The following KIF5C variants were observed in gnomAD, a reference collection of about 807,000 sequenced individuals.
KIF5C encodes the protein kinesin family member 5C.
In KIF5C, 18 loss-of-function variants were observed where a neutral mutation model predicts 125.2. That is an observed-to-expected ratio of 0.14 (90% CI 0.10 to 0.21). KIF5C has a LOEUF of 0.21. Among genes scored for constraint, KIF5C ranks in the 10% least tolerant of loss-of-function variants. KIF5C has a pLI of 1.00. For synonymous variants in KIF5C, 405 were observed against 434.0 expected (o/e 0.93, Z 0.83); for missense variants, 780 against 1,183.8 (o/e 0.66, Z 5.01).
chr2:148,909,803 G>A (rs556223838), intron 1 of KIF5C, among the ~76,000 whole-genome samples: 1 of 152,306 alleles, frequency 6.6e-6, no homozygotes, highest in South Asian at 2.1e-4. Context: ...AGGTGAATTG[G>A]ATATCTGTGA....
chr2:148,880,123 T>C (rs936591862), intron 1 of KIF5C, among the ~76,000 whole-genome samples: 1 of 146,032 alleles, frequency 6.8e-6, no homozygotes, highest in African/African-American at 2.5e-5. Flanking sequence ...GTAATACCAC[T>C]TTTTTTTTTT....
chr2:148,971,505 A>G (rs1001774364), intron 11 of KIF5C, among the ~76,000 whole-genome samples: 11 of 152,288 alleles, frequency 7.2e-5, no homozygotes, highest in African/African-American at 2.6e-4. Context: ...ACTGAATGAA[A>G]TATTGATTTG....
chr2:148,959,849 C>T (rs2105127794), intron 10 of KIF5C, among the ~76,000 whole-genome samples: 1 of 152,276 alleles, frequency 6.6e-6, no homozygotes, highest in African/African-American at 2.4e-5. Flanking sequence ...GGCTTCTTCC[C>T]TGCCAGATCA....
intron 1 of KIF5C, among the ~76,000 whole-genome samples, chr2:148,902,001 C>T (rs900743893): frequency 2.0e-5 from 3 of 152,322 alleles, no homozygotes; most frequent in African/African-American, 7.2e-5. Flanking sequence ...TTGGTTACTT[C>T]TTGCCCCTCC....
At chr2:148,944,974 T>C (rs113439605) in intron 7 of KIF5C, among the ~76,000 whole-genome samples, 4 of 152,202 alleles carry the variant, frequency 2.6e-5, no homozygotes, top group African/African-American at 9.6e-5. Context: ...ATTCAAGGTC[T>C]GTATTTATTT....
At position 149,023,957 on chromosome 2, in the gene KIF5C, G is replaced by C. The variant is rs1194526487; in HGVS notation, c.*887G>C. On this transcript the variant is annotated 3_prime_UTR_variant, in exon 26 of 26. Transcript: ENST00000435030. ...TGGCTGCTTTCTCTAACCATTTTCA[G>C]CTTGAGTGGGTATTGCTGAAGAAAT... 6.6e-6 allele frequency: 1 copy of C among 152,182 alleles called. No homozygotes were observed. The highest frequency in any genetic ancestry group is 2.1e-4 in the South Asian group (1 of 4,834). The allele number at this position is 152,182 out of a possible 1,614,324, so 9.4% of individuals were successfully genotyped here. A position where few individuals can be genotyped will look rare whatever the true frequency, so the allele number is the denominator to read the frequency against.
intron 1 of KIF5C, among the ~76,000 whole-genome samples, chr2:148,896,580 G>A (rs1366986564): frequency 6.6e-6 from 1 of 152,222 alleles, no homozygotes; most frequent in Non-Finnish European, 1.5e-5. Context: ...GTAAGGGATT[G>A]AGAGTGTACT....
chr2:148,919,076 C>G (rs1346375493), intron 1 of KIF5C, among the ~76,000 whole-genome samples: 1 of 152,116 alleles, frequency 6.6e-6, no homozygotes, highest in Non-Finnish European at 1.5e-5. Flanking sequence ...CTTGATGGCT[C>G]TTTTTTGGTC....
intron 1 of KIF5C, among the ~76,000 whole-genome samples, chr2:148,906,261 G>A (rs564680187): frequency 1.6e-4 from 24 of 152,292 alleles, no homozygotes; most frequent in Admixed American, 1.3e-3. Flanking sequence ...AGGGTGAGGC[G>A]CAAGTATGAG....
chr2:148,927,763 A>G (rs36136399), intron 2 of KIF5C, among the ~76,000 whole-genome samples: 35,716 of 151,946 alleles, frequency 0.24, 5,157 homozygotes, highest in East Asian at 0.39. Flanking sequence ...CATTTTTGTG[A>G]AAACTGAAGC....
chr2:148,997,041 C>G (rs1184666655), intron 17 of KIF5C, among the ~76,000 whole-genome samples: 1 of 152,230 alleles, frequency 6.6e-6, no homozygotes, highest in African/African-American at 2.4e-5. Flanking sequence ...GCATTGTCCC[C>G]TGCAGTTGTC....
intron 4 of KIF5C, among the ~76,000 whole-genome samples, chr2:148,939,217 TA>T (rs1470590595): frequency 6.6e-6 from 1 of 152,200 alleles, no homozygotes; most frequent in Non-Finnish European, 1.5e-5. Flanking sequence ...TCAATTATAT[TA>T]AACTTCTCCC....
At chr2:148,904,380 T>C (rs1489696134) in intron 1 of KIF5C, among the ~76,000 whole-genome samples, 1 of 152,226 alleles carries the variant, frequency 6.6e-6, no homozygotes, top group Non-Finnish European at 1.5e-5. Flanking sequence ...TAATGGTTCC[T>C]CGTACTGGGA....
chr2:148,973,257 G>A, intron 11 of KIF5C, 79 bp from the exon 12 acceptor site: 3 of 1,507,534 alleles, frequency 2.0e-6, no homozygotes, highest in Non-Finnish European at 2.7e-6. Flanking sequence ...CACCAGGACT[G>A]ATTATTTTTG....
chr2:148,889,215 A>AT (rs892690039), intron 1 of KIF5C, among the ~76,000 whole-genome samples: 3 of 152,318 alleles, frequency 2.0e-5, no homozygotes, highest in South Asian at 2.1e-4. Context: ...TGGTTAATTC[A>AT]TTTTTTAAAT....
At chr2:148,900,267 A>G (rs1431220869) in intron 1 of KIF5C, among the ~76,000 whole-genome samples, 4 of 152,228 alleles carry the variant, frequency 2.6e-5, no homozygotes, top group Middle Eastern at 3.4e-3. Context: ...CCTTAAACAC[A>G]TATCATTGTG....
In KIF5C at chr2:148,875,575, G is replaced by GCCCCCCCCCCCTCCCCGTGGCCC; in HGVS notation, c.-37_-36insCCCCCTCCCCGTGGCCCCCCCCC. On this transcript the variant is annotated 5_prime_UTR_variant, in exon 1 of 26. Coordinates refer to ENST00000435030, the MANE Select transcript of KIF5C (RefSeq NM_004522.3). ...TCCTCCCTCGTCGTTCCCGGCCCCG[G>GCCCCCCCCCCCTCCCCGTGGCCC]CCCCCCACCCATCCCCGTGCCCCCT... 1.4e-6 allele frequency: 1 copy of GCCCCCCCCCCCTCCCCGTGGCCC among 699,606 alleles called. No homozygotes were observed. Among genetic ancestry groups the GCCCCCCCCCCCTCCCCGTGGCCC allele is most frequent in the Admixed American group, 2.2e-5 (1 of 46,070 alleles). 43.3% of individuals were successfully genotyped at this position (699,606 alleles called of 1,614,324 possible).
chr2:149,025,963 T>TATA lies in KIF5C; in HGVS notation c.*2894_*2896dup, dbSNP rs1413984586. 1 of 152,652 alleles carries TATA rather than the reference T, an allele frequency of 6.6e-6. No individual in the cohort carries two copies. Among genetic ancestry groups the TATA allele is most frequent in the Non-Finnish European group, 1.5e-5 (1 of 68,042 alleles). 9.5% of individuals were successfully genotyped at this position (152,652 alleles called of 1,614,324 possible). ...TGATTAAGAAATCAGAATTTATAGA[T>TATA]ATATTGGGATAAATGAAGAAATAAA... On this transcript the variant is annotated 3_prime_UTR_variant, in exon 26 of 26. Coordinates refer to ENST00000435030, the MANE Select transcript of KIF5C (RefSeq NM_004522.3).
At chr2:148,875,993 C>T (rs1212912348) in intron 1 of KIF5C, among the ~76,000 whole-genome samples, 1 of 151,792 alleles carries the variant, frequency 6.6e-6, no homozygotes, top group Non-Finnish European at 1.5e-5. Context: ...AAGACGGGCT[C>T]GGCGCCGCCA....
Sources: allele counts gnomAD v4.1 joint callset (sites outside exome capture counted in the v4.1 genomes callset), GRCh38; gene constraint gnomAD v4.1.1; transcripts MANE v1.5; gene names NCBI Gene and HGNC (gene_info 2026-07-23, HGNC 2026-07-21).